The following IGSF9B variants were observed in gnomAD, a reference collection of about 807,000 sequenced individuals.
IGSF9B encodes the protein protein turtle homolog B.
Under a neutral mutation model 143.7 loss-of-function variants are expected in IGSF9B, and 48 were observed. The observed-to-expected ratio is 0.33, with a 90% CI of 0.26 to 0.42. The LOEUF is 0.42. IGSF9B is among the 20% of genes least tolerant of loss of function. The pLI is 1.00. For synonymous variants in IGSF9B, 903 were observed against 833.1 expected (o/e 1.08, Z -1.44); for missense variants, 1,706 against 1,980.0 (o/e 0.86, Z 2.63).
At chr11:133,941,064 C>G (rs1202422559) in intron 3 of IGSF9B, among the ~76,000 whole-genome samples, 1 of 152,136 alleles carries the variant, frequency 6.6e-6, no homozygotes, top group Non-Finnish European at 1.5e-5. Context: ...TGACAAATTA[C>G]TTACTAATTA....
At chr11:133,939,006 G>C (rs926066216) in intron 3 of IGSF9B, among the ~76,000 whole-genome samples, 2 of 152,190 alleles carry the variant, frequency 1.3e-5, no homozygotes, top group African/African-American at 4.8e-5. Flanking sequence ...GGCATTCACG[G>C]GAAGCTTTGG....
At position 133,920,373 on chromosome 11, in the gene IGSF9B, C is replaced by T. The variant is rs770826046; in HGVS notation, c.3352G>A (p.Ala1118Thr). ...PGRGPVPAPP[A>T]AKWQDRPMQP... Reference sequence around the variant, plus strand: ...ATAGGTCTGTCCTGCCACTTGGCGGCGGGGGGCGCTGGGACAGGGCCCCTG... The same window carrying T: ...ATAGGTCTGTCCTGCCACTTGGCGGTGGGGGGCGCTGGGACAGGGCCCCTG... The change falls in exon 18 of 20, where the codon GCC becomes ACC. Residue 1118 changes from alanine (A) to threonine (T), a missense_variant. Coordinates refer to ENST00000533871, the MANE Select transcript of IGSF9B (RefSeq NM_001277285.4). The T allele has an allele frequency of 3.1e-6, 5 of 1,603,706 alleles. No individual in the cohort carries two copies. The highest frequency in any genetic ancestry group is 1.7e-4 in the Middle Eastern group (1 of 5,988).
At position 133,911,872 on chromosome 11, in the gene IGSF9B, T is replaced by G. The variant is rs1235125576; in HGVS notation, c.4105+14A>C. 18 of 1,519,468 alleles carry G rather than the reference T, an allele frequency of 1.2e-5. No homozygotes were observed. The Admixed American group carries it at 3.6e-4, about 30-fold the overall frequency. 94.1% of individuals were successfully genotyped at this position (1,519,468 alleles called of 1,614,324 possible). A position where few individuals can be genotyped will look rare whatever the true frequency, so the allele number is the denominator to read the frequency against. ...AGGTGGGAGGAGCGGGGCGGGCCAC[T>G]GCCCATCATTTACCGGATCGTTTCT... On this transcript the variant is annotated intron_variant, in intron 19 of 19. Coordinates refer to ENST00000533871, the MANE Select transcript of IGSF9B (RefSeq NM_001277285.4).
Position 133,924,225 on chromosome 11 carries a change from G to A in IGSF9B, c.2119+595C>T, listed in dbSNP as rs927115230. 2.8e-4 allele frequency among the ~76,000 whole-genome samples: 43 copies of A among 152,308 alleles called. 1 individual carries two copies. The highest frequency in any genetic ancestry group is 2.6e-4 in the Admixed American group (4 of 15,296). On this transcript the variant is annotated intron_variant, in intron 15 of 19. Transcript: ENST00000533871. Reference sequence around the variant, plus strand: ...ATACCAAGGACACCCCTTCACTGGCGGAGGAACCTGCTATGTCTCAGGAAC... The same window carrying A: ...ATACCAAGGACACCCCTTCACTGGCAGAGGAACCTGCTATGTCTCAGGAAC...
At chr11:133,921,680 G>A (rs529065902) in intron 17 of IGSF9B, among the ~76,000 whole-genome samples, 1 of 152,130 alleles carries the variant, frequency 6.6e-6, no homozygotes, top group South Asian at 2.1e-4. Flanking sequence ...CAGGATTACA[G>A]GTGTGAGCCG....
Position 133,925,763 on chromosome 11 carries a change from C to A in IGSF9B, c.2010G>T (p.Glu670Asp). 1.2e-6 allele frequency: 2 copies of A among 1,613,678 alleles called. No individual in the cohort carries two copies. Among genetic ancestry groups the A allele is most frequent in the Non-Finnish European group, 8.5e-7 (1 of 1,179,796 alleles). Residue 670 changes from glutamate to aspartate, a missense_variant, in exon 14 of 20, where the codon GAG becomes GAT. Transcript: ENST00000533871. Reference sequence around the variant, plus strand: ...CCTGTGACAGATCCTTGGCAAAGAACTCTCCTTCGGTGCCGGGGATGCCAT... The same window carrying A: ...CCTGTGACAGATCCTTGGCAAAGAAATCTCCTTCGGTGCCGGGGATGCCAT... ...LDDGIPGTEGEFFAKDLSQDT... is the reference protein window; with the variant it reads ...LDDGIPGTEGDFFAKDLSQDT...
At chr11:133,955,426 G>C (rs1393061866) in intron 1 of IGSF9B, among the ~76,000 whole-genome samples, 1 of 152,218 alleles carries the variant, frequency 6.6e-6, no homozygotes, top group African/African-American at 2.4e-5. Context: ...TTCCATTCCG[G>C]AAAGTTTCCT....
chr11:133,918,348 G>T (rs999944342), intron 18 of IGSF9B, among the ~76,000 whole-genome samples: 3 of 152,126 alleles, frequency 2.0e-5, no homozygotes, highest in Admixed American at 2.0e-4. Flanking sequence ...CGGCCGGGGG[G>T]CACCGCCCAC....
In IGSF9B at chr11:133,901,736, C is replaced by G. The variant is rs935829047; in HGVS notation, c.*7333G>C. On this transcript the variant is annotated 3_prime_UTR_variant, in exon 20 of 20. Transcript: ENST00000533871. ...GCAAAAGAGCCAAACAAAGGAGGGTCTCCTGGGCCTGACACTACGCAGGCA... is the reference window on the plus strand; with the variant it reads ...GCAAAAGAGCCAAACAAAGGAGGGTGTCCTGGGCCTGACACTACGCAGGCA... 2 of 152,150 alleles carry G rather than the reference C, an allele frequency of 1.3e-5. No homozygotes were observed. Among genetic ancestry groups the G allele is most frequent in the Non-Finnish European group, 2.9e-5 (2 of 68,018 alleles). 9.4% of individuals were successfully genotyped at this position (152,150 alleles called of 1,614,324 possible).
At chr11:133,939,127 C>T (rs1939876153) in intron 3 of IGSF9B, among the ~76,000 whole-genome samples, 1 of 152,244 alleles carries the variant, frequency 6.6e-6, no homozygotes, top group African/African-American at 2.4e-5. Context: ...ACTCCAACCA[C>T]ACTGGCTGCC....
chr11:133,956,664 G>T lies in IGSF9B; in HGVS notation c.64+27C>A, dbSNP rs935171487. ...GGGGCCGAGGGCGCCGGGAGGGGCAGGGGAGGGACGCCGCACTTCAACTCA... is the reference window on the plus strand; with the variant it reads ...GGGGCCGAGGGCGCCGGGAGGGGCATGGGAGGGACGCCGCACTTCAACTCA... On this transcript the variant is annotated intron_variant, in intron 1 of 19. Coordinates refer to ENST00000533871, the MANE Select transcript of IGSF9B (RefSeq NM_001277285.4). 11 of 1,503,212 alleles carry T rather than the reference G, an allele frequency of 7.3e-6. No individual in the cohort carries two copies. The African/African-American group carries it at 1.4e-4, about 20-fold the overall frequency. 93.1% of individuals were successfully genotyped at this position (1,503,212 alleles called of 1,614,324 possible).
At chr11:133,915,653 TGCAGC>T (rs1939367364) in intron 18 of IGSF9B, among the ~76,000 whole-genome samples, 1 of 152,200 alleles carries the variant, frequency 6.6e-6, no homozygotes, top group Non-Finnish European at 1.5e-5. Flanking sequence ...TGAGGAAAGA[TGCAGC>T]CAGGTCAAAG....
At chr11:133,938,129 G>T in intron 3 of IGSF9B, 168 bp from the exon 4 acceptor site, 1 of 702,776 alleles carries the variant, frequency 1.4e-6, no homozygotes, top group Non-Finnish European at 2.3e-6. Flanking sequence ...ATCACTGGCA[G>T]GGAGACCTGC....
intron 14 of IGSF9B, among the ~76,000 whole-genome samples, chr11:133,925,351 G>A (rs1157584927): frequency 6.6e-6 from 1 of 152,216 alleles, no homozygotes; most frequent in African/African-American, 2.4e-5. Flanking sequence ...TACTGGAGAA[G>A]GGGTTCTTCC....
chr11:133,952,002 G>A (rs1290012388), intron 1 of IGSF9B: 5 of 453,200 alleles, frequency 1.1e-5, no homozygotes, highest in Admixed American at 2.4e-5. Context: ...ACGACCAGGA[G>A]GGAGGCAAGG....
chr11:133,920,073 G>A lies in IGSF9B; in HGVS notation c.3652C>T (p.Leu1218Phe). ...PLSSRTGSPE[L>F]AARARPRPGL... is the part of the protein sequence containing the mutation. ...GGGCGAGGCCGGGCACGGGCGGCGA[G>A]CTCAGGGGAGCCGGTGCGGGAGCTG... is the stretch of plus-strand genomic sequence containing the variant. Residue 1218 changes from leucine (L) to phenylalanine (F), a missense_variant, in exon 18 of 20, where the codon CTC becomes TTC. Physicochemically the swap from Leu to Phe is conservative, Grantham distance 22 (BLOSUM62 0). Around this residue, in one of 7 missense-constraint regions of IGSF9B, gnomAD observed 880 missense variants for 762.9 expected, o/e 1.15. Transcript: ENST00000533871. The A allele has an allele frequency of 6.5e-7, 1 of 1,534,996 alleles. No individual in the cohort carries two copies. Among genetic ancestry groups the A allele is most frequent in the Non-Finnish European group, 8.8e-7 (1 of 1,142,154 alleles).
chr11:133,914,115 T>A (rs1040321434), intron 18 of IGSF9B, among the ~76,000 whole-genome samples: 15 of 152,342 alleles, frequency 9.8e-5, no homozygotes, highest in African/African-American at 3.1e-4. Context: ...GTCATTTTTA[T>A]CATCTAGCAT....
intron 3 of IGSF9B, among the ~76,000 whole-genome samples, chr11:133,943,795 C>G (rs1939994221): frequency 6.6e-6 from 1 of 152,160 alleles, no homozygotes; most frequent in South Asian, 2.1e-4. Flanking sequence ...TAAAGAGAAC[C>G]AAAACATCGA....
rs1461545987 is a variant in IGSF9B at position 133,896,468 on chromosome 11, T to C, written c.*12601A>G. The C allele has an allele frequency of 6.6e-6, 1 of 152,166 alleles. No homozygotes were observed. Among genetic ancestry groups the C allele is most frequent in the African/African-American group, 2.4e-5 (1 of 41,458 alleles). The allele number at this position is 152,166 out of a possible 1,614,324, so 9.4% of individuals were successfully genotyped here. The stretch of plus-strand genomic sequence containing the variant: ...TAGCAAATGTTTATTTATATCAAAA[T>C]ACAAAACATTTCTGAAGCAGAGTAA... On this transcript the variant is annotated 3_prime_UTR_variant, in exon 20 of 20. Coordinates refer to ENST00000533871, the MANE Select transcript of IGSF9B (RefSeq NM_001277285.4).
Sources: gnomAD v4.1 joint callset for allele counts (sites outside exome capture counted in the v4.1 genomes callset) on GRCh38, gnomAD v4.1.1 for gene constraint, gnomAD v4.1.1 regional missense constraint, MANE v1.5 for transcripts, NCBI Gene and HGNC (gene_info 2026-07-23, HGNC 2026-07-21) for gene names.